Variants in SYCE2 observed in about 807,000 individuals in gnomAD.
The protein encoded by SYCE2 is synaptonemal complex central element protein 2, also known as central element synaptonemal complex 1.
SYCE2 carries 3 observed loss-of-function variants against 27.9 expected under a neutral mutation model. The ratio of observed to expected loss-of-function variants is 0.11; its 90% CI spans 0.05 to 0.28. The LOEUF (loss-of-function observed/expected upper bound fraction) is 0.28. SYCE2 is among the 10% of genes least tolerant of loss of function. The pLI is 1.00. For missense variants in SYCE2, 207 were observed against 263.5 expected (o/e 0.79, Z 1.48); for synonymous variants, 85 against 100.7 (o/e 0.84, Z 0.93).
In SYCE2 at chr19:12,900,152, G is replaced by A. The variant is rs759087160; in HGVS notation, c.496-32C>T. On this transcript the variant is annotated intron_variant, in intron 4 of 5. Coordinates refer to ENST00000293695, the MANE Select transcript of SYCE2 (RefSeq NM_001105578.2). ...AAAAGAAACCCAGGTTAGCAGTGCCGGTCTGTGCCAGGGCTGTGGGCAGAG... is the reference window on the plus strand; with the variant it reads ...AAAAGAAACCCAGGTTAGCAGTGCCAGTCTGTGCCAGGGCTGTGGGCAGAG... 31 of 1,592,404 alleles carry A rather than the reference G, an allele frequency of 1.9e-5. No individual in the cohort carries two copies. In the Admixed American group the frequency reaches 2.3e-4, roughly 12 times the overall value.
chr19:12,912,231 C>T (rs1342096008), intron 2 of SYCE2, among the ~76,000 whole-genome samples: 1 of 151,846 alleles, frequency 6.6e-6, no homozygotes, highest in East Asian at 1.9e-4. Context: ...CCACCAAGCC[C>T]GATCTAGCCT....
Position 12,912,401 on chromosome 19 carries a change from G to C in SYCE2, c.131+5821C>G, listed in dbSNP as rs529740085. 1.2e-4 allele frequency among the ~76,000 whole-genome samples: 18 copies of C among 152,200 alleles called. No individual in the cohort carries two copies. In the East Asian group the frequency reaches 3.3e-3, roughly 28 times the overall value. On this transcript the variant is annotated intron_variant, in intron 2 of 5. Transcript: ENST00000293695. ...CTACCCCCCGCTATACCTAGGCCTTGCTGGTCACAAAGCTGCCAAAGTTTA... is the reference window on the plus strand; with the variant it reads ...CTACCCCCCGCTATACCTAGGCCTTCCTGGTCACAAAGCTGCCAAAGTTTA...
chr19:12,915,318 G>A (rs1476276427), intron 2 of SYCE2, among the ~76,000 whole-genome samples: 2 of 152,054 alleles, frequency 1.3e-5, no homozygotes, highest in Middle Eastern at 3.2e-3. Flanking sequence ...TCAAGGAGGT[G>A]AGCCGGGCGC....
At chr19:12,905,002 TA>T (rs761242279) in intron 2 of SYCE2, among the ~76,000 whole-genome samples, 1,703 of 138,546 alleles carry the variant, frequency 0.012, 19 homozygotes, top group African/African-American at 0.032. Context: ...AGACTCCGTC[TA>T]AAAAAAAAAA....
At chr19:12,899,900 T>G in intron 5 of SYCE2, 104 bp downstream of exon 5, 7 of 1,505,828 alleles carry the variant, frequency 4.6e-6, no homozygotes, top group Non-Finnish European at 4.6e-6. Context: ...CCCTCCCATC[T>G]GGGGGTAGTG....
intron 3 of SYCE2, among the ~76,000 whole-genome samples, chr19:12,903,183 C>T (rs1361218629): frequency 6.6e-6 from 1 of 151,748 alleles, no homozygotes; most frequent in Non-Finnish European, 1.5e-5. Flanking sequence ...GCTCCGCCTC[C>T]CGGGTTCAGG....
In SYCE2 at chr19:12,904,473, G is replaced by T; in HGVS notation, c.306+19C>A. 1.2e-6 allele frequency: 2 copies of T among 1,613,582 alleles called. No homozygotes were observed. Among genetic ancestry groups the T allele is most frequent in the Non-Finnish European group, 1.7e-6 (2 of 1,179,684 alleles). Reference sequence around the variant, plus strand: ...TTTTGCATAAGGAATCCCCCCTCTCGCTGGGTGGAGTCTGTCACCTTGGTC... The same window carrying T: ...TTTTGCATAAGGAATCCCCCCTCTCTCTGGGTGGAGTCTGTCACCTTGGTC... On this transcript the variant is annotated intron_variant, in intron 3 of 5. Transcript: ENST00000293695.
chr19:12,900,370 G>C, intron 4 of SYCE2, 90 bp downstream of exon 4: 1 of 1,424,236 alleles, frequency 7.0e-7, no homozygotes, highest in East Asian at 2.4e-5. Flanking sequence ...GGTCAGGGCT[G>C]GGTGCCTGGT....
At chr19:12,916,066 CTT>C (rs35687682) in intron 2 of SYCE2, among the ~76,000 whole-genome samples, 20 of 137,712 alleles carry the variant, frequency 1.5e-4, no homozygotes, top group African/African-American at 3.0e-4. Flanking sequence ...CCATATCAGC[CTT>C]TTTTTTTTTT....
chr19:12,899,304 G>A lies in SYCE2; in HGVS notation c.*37C>T, dbSNP rs749703088. On this transcript the variant is annotated 3_prime_UTR_variant, in exon 6 of 6. Coordinates refer to ENST00000293695, the MANE Select transcript of SYCE2 (RefSeq NM_001105578.2). ...AATGGTGGCCTCACAGTCTTCTCCT[G>A]GAGACTGTCACTAAGGCGTGAGTCT... The A allele has an allele frequency of 3.2e-6, 5 of 1,580,348 alleles. No homozygotes were observed. The highest frequency in any genetic ancestry group is 4.4e-6 in the Non-Finnish European group (5 of 1,149,334).
intron 3 of SYCE2, among the ~76,000 whole-genome samples, chr19:12,901,011 C>CA (rs1970824320): frequency 6.6e-6 from 1 of 151,904 alleles, no homozygotes; most frequent in Non-Finnish European, 1.5e-5. Flanking sequence ...ACTAAAAATA[C>CA]AAAAAAATTT....
chr19:12,911,474 C>G (rs943361975), intron 2 of SYCE2, among the ~76,000 whole-genome samples: 10 of 151,994 alleles, frequency 6.6e-5, no homozygotes, highest in Admixed American at 5.9e-4. Context: ...GGGTCTCACT[C>G]TGTCGCCCAG....
At chr19:12,919,133 A>G in intron 1 of SYCE2, 110 bp downstream of exon 1, 1 of 1,474,016 alleles carries the variant, frequency 6.8e-7, no homozygotes, top group Non-Finnish European at 9.4e-7. Context: ...CCCCAATGGC[A>G]AAGGACAAGC....
intron 2 of SYCE2, among the ~76,000 whole-genome samples, chr19:12,908,244 G>C (rs997110950): frequency 1.3e-5 from 2 of 148,810 alleles, no homozygotes; most frequent in Non-Finnish European, 3.0e-5. Context: ...TCAAGGCCAA[G>C]GTTCTAGAAG....
chr19:12,902,083 T>A (rs1970851109), intron 3 of SYCE2, among the ~76,000 whole-genome samples: 1 of 152,186 alleles, frequency 6.6e-6, no homozygotes, highest in South Asian at 2.1e-4. Context: ...ATACTTACCA[T>A]CATGTTATAA....
chr19:12,909,119 C>T (rs886325387), intron 2 of SYCE2, among the ~76,000 whole-genome samples: 4 of 152,232 alleles, frequency 2.6e-5, no homozygotes, highest in African/African-American at 9.6e-5. Flanking sequence ...CTTGGCCTCC[C>T]ACTGTAGTCT....
Position 12,900,444 on chromosome 19 carries a change from G to C in SYCE2, c.495+16C>G. The C allele has an allele frequency of 1.2e-6, 2 of 1,609,608 alleles. No homozygotes were observed. Among genetic ancestry groups the C allele is most frequent in the East Asian group, 2.2e-5 (1 of 44,814 alleles). ...CTCTTCCTCAGGCAGCGCCCCCCCT[G>C]TGAGTTTACTCATACCTCAGGCTGG... is the stretch of plus-strand genomic sequence containing the variant. On this transcript the variant is annotated intron_variant, in intron 4 of 5. Coordinates refer to ENST00000293695, the MANE Select transcript of SYCE2 (RefSeq NM_001105578.2).
Position 12,904,472 on chromosome 19 carries a change from C to T in SYCE2, c.306+20G>A, listed in dbSNP as rs369072497. 2.3e-5 allele frequency: 37 copies of T among 1,613,742 alleles called. No homozygotes were observed. The highest frequency in any genetic ancestry group is 2.7e-5 in the African/African-American group (2 of 75,032). On this transcript the variant is annotated intron_variant, in intron 3 of 5. Coordinates refer to ENST00000293695, the MANE Select transcript of SYCE2 (RefSeq NM_001105578.2). Reference sequence around the variant, plus strand: ...CTTTTGCATAAGGAATCCCCCCTCTCGCTGGGTGGAGTCTGTCACCTTGGT... The same window carrying T: ...CTTTTGCATAAGGAATCCCCCCTCTTGCTGGGTGGAGTCTGTCACCTTGGT...
intron 2 of SYCE2, among the ~76,000 whole-genome samples, chr19:12,908,195 C>T (rs1370569660): frequency 1.3e-5 from 2 of 151,874 alleles, no homozygotes; most frequent in Non-Finnish European, 1.5e-5. Flanking sequence ...CCTCTCCACC[C>T]GGTCTCCCCC....
Sources: gnomAD v4.1 joint callset for allele counts (sites outside exome capture counted in the v4.1 genomes callset) on GRCh38, gnomAD v4.1.1 for gene constraint, MANE v1.5 for transcripts, NCBI Gene and HGNC (gene_info 2026-07-23, HGNC 2026-07-21) for gene names.